The following CPA6 variants were observed in gnomAD, a reference collection of about 807,000 sequenced individuals.
The protein encoded by CPA6 is carboxypeptidase B.
A neutral mutation model predicts 63.3 loss-of-function variants in CPA6; 58 were observed. The ratio of observed to expected loss-of-function variants is 0.92; its 90% CI spans 0.74 to 1.14. The LOEUF (loss-of-function observed/expected upper bound fraction) is 1.14. Among genes scored for constraint, CPA6 ranks in the 50% most tolerant of loss-of-function variants. The pLI, the probability that CPA6 is intolerant of heterozygous loss-of-function variation, is 0.00. For synonymous variants in CPA6, 185 were observed against 179.0 expected, an observed-to-expected ratio of 1.03 and a Z score of -0.27; for missense variants, 565 against 526.6, an observed-to-expected ratio of 1.07 and a Z score of -0.71.
At chr8:67,531,445 G>C (rs1342779789) in intron 2 of CPA6, among the ~76,000 whole-genome samples, 4 of 152,024 alleles carry the variant, frequency 2.6e-5, no homozygotes, top group Non-Finnish European at 4.4e-5. Flanking sequence ...AAAGAAAAAA[G>C]CTGGTGCAGC....
At chr8:67,443,271 G>T (rs1178189076) in intron 8 of CPA6, among the ~76,000 whole-genome samples, 1 of 152,036 alleles carries the variant, frequency 6.6e-6, no homozygotes, top group Non-Finnish European at 1.5e-5. Flanking sequence ...TGCTGGCCAG[G>T]CTGGTCTCCA....
intron 2 of CPA6, among the ~76,000 whole-genome samples, chr8:67,528,700 G>C (rs773336674): frequency 1.3e-5 from 2 of 151,900 alleles, no homozygotes; most frequent in Admixed American, 1.3e-4. Context: ...TGGCATTTCA[G>C]CCTCTCTGTA....
rs552060640 is a variant in CPA6, at chr8:67,572,305, A to G, written c.192+51871T>C. ...GGGCTCAATGGCAGGTGCTGGGGTT[A>G]TGGAGGCAGATTCCTCATGAATGGC... On this transcript the variant is annotated intron_variant, in intron 2 of 10. Coordinates refer to ENST00000297770, the MANE Select transcript of CPA6 (RefSeq NM_020361.5). Among the ~76,000 whole-genome samples the G allele has an allele frequency of 1.0e-3, 156 of 152,302 alleles. 1 individual carries two copies. Among genetic ancestry groups the G allele is most frequent in the African/African-American group, 3.7e-3 (152 of 41,558 alleles).
At chr8:67,476,551 CTCTT>C (rs1189852212) in intron 8 of CPA6, among the ~76,000 whole-genome samples, 3 of 121,128 alleles carry the variant, frequency 2.5e-5, no homozygotes, top group Non-Finnish European at 4.9e-5. Context: ...CTCTCTCTCT[CTCTT>C]TTTTTTTTTT....
At chr8:67,556,351 C>T (rs1377571551) in intron 2 of CPA6, among the ~76,000 whole-genome samples, 2 of 152,130 alleles carry the variant, frequency 1.3e-5, no homozygotes, top group African/African-American at 4.8e-5. Flanking sequence ...GTCTCACTGC[C>T]TCCACCTCCA....
chr8:67,588,987 C>G (rs1258434241), intron 2 of CPA6, among the ~76,000 whole-genome samples: 3 of 151,954 alleles, frequency 2.0e-5, no homozygotes, highest in African/African-American at 7.3e-5. Context: ...CATGGTCGTT[C>G]ATGCCTGTAA....
In CPA6 at chr8:67,557,217, C is replaced by G. The variant is rs1050409824; in HGVS notation, c.193-39170G>C. ...AATTGTACCACATGTAATCAATTTG[C>G]CAGACTAATGGACACTCTGCATGTT... On this transcript the variant is annotated intron_variant, in intron 2 of 10. Transcript: ENST00000297770. 3.3e-5 allele frequency among the ~76,000 whole-genome samples: 5 copies of G among 152,066 alleles called. 1 individual carries two copies. The highest frequency in any genetic ancestry group is 3.3e-4 in the Admixed American group (5 of 15,268).
intron 2 of CPA6, among the ~76,000 whole-genome samples, chr8:67,606,229 C>T (rs916378836): frequency 2.0e-5 from 3 of 150,538 alleles, no homozygotes; most frequent in Admixed American, 6.6e-5. Context: ...ATACCTAATG[C>T]TAAGTGATGA....
chr8:67,589,854 G>A (rs1195612406), intron 2 of CPA6, among the ~76,000 whole-genome samples: 1 of 151,608 alleles, frequency 6.6e-6, no homozygotes, highest in Non-Finnish European at 1.5e-5. Flanking sequence ...TTTTTTGTGT[G>A]TGTACTCTGT....
intron 8 of CPA6, among the ~76,000 whole-genome samples, chr8:67,454,028 G>T (rs572509774): frequency 1.2e-4 from 19 of 152,218 alleles, no homozygotes; most frequent in Non-Finnish European, 2.6e-4. Context: ...GTTATTTACT[G>T]CAGATTAAGT....
chr8:67,496,557 ATT>A (rs1342356034), intron 6 of CPA6, among the ~76,000 whole-genome samples: 10 of 98,982 alleles, frequency 1.0e-4, no homozygotes, highest in East Asian at 5.6e-4. Context: ...ATATATATAT[ATT>A]TATTTTATTT....
chr8:67,592,411 T>C (rs1330988908), intron 2 of CPA6, among the ~76,000 whole-genome samples: 6 of 152,146 alleles, frequency 3.9e-5, no homozygotes, highest in Non-Finnish European at 8.8e-5. Context: ...TAAAATGAGT[T>C]AGGGAGGATT....
intron 1 of CPA6, among the ~76,000 whole-genome samples, chr8:67,706,467 G>A (rs1241458549): frequency 2.6e-5 from 4 of 151,948 alleles, no homozygotes; most frequent in Admixed American, 1.3e-4. Context: ...AGTAGAACAC[G>A]TTTCTGGTAA....
chr8:67,484,368 G>A (rs1442452326), intron 7 of CPA6, among the ~76,000 whole-genome samples: 4 of 152,116 alleles, frequency 2.6e-5, no homozygotes, highest in Non-Finnish European at 4.4e-5. Flanking sequence ...CACCGCGCCC[G>A]GCCTTTTTGC....
chr8:67,704,906 A>G (rs1489658247), intron 1 of CPA6, among the ~76,000 whole-genome samples: 1 of 152,186 alleles, frequency 6.6e-6, no homozygotes, highest in Non-Finnish European at 1.5e-5. Flanking sequence ...AGAAAATTAT[A>G]AAAGTCGGCC....
chr8:67,697,403 C>G (rs1053981623), intron 1 of CPA6, among the ~76,000 whole-genome samples: 1 of 152,166 alleles, frequency 6.6e-6, no homozygotes, highest in Non-Finnish European at 1.5e-5. Context: ...CTTTCCCACT[C>G]AATAGTCATA....
At chr8:67,525,137 A>G (rs1429312523) in intron 2 of CPA6, among the ~76,000 whole-genome samples, 6 of 152,196 alleles carry the variant, frequency 3.9e-5, no homozygotes, top group Admixed American at 6.5e-5. Context: ...GTCTTCTGTG[A>G]ACCAAAGGTT....
intron 2 of CPA6, among the ~76,000 whole-genome samples, chr8:67,527,881 A>G (rs891952733): frequency 6.6e-6 from 1 of 152,232 alleles, no homozygotes; most frequent in African/African-American, 2.4e-5. Context: ...GTGAAAAGCC[A>G]GTGAAGAATC....
At chr8:67,460,579 A>G (rs986378926) in intron 8 of CPA6, among the ~76,000 whole-genome samples, 3 of 152,196 alleles carry the variant, frequency 2.0e-5, no homozygotes, top group Non-Finnish European at 2.9e-5. Context: ...AATTAGCGCT[A>G]GCTTATTTCT....
Sources: gnomAD v4.1 joint callset for allele counts (sites outside exome capture counted in the v4.1 genomes callset) on GRCh38, gnomAD v4.1.1 for gene constraint, MANE v1.5 for transcripts, NCBI Gene and HGNC (gene_info 2026-07-23, HGNC 2026-07-21) for gene names.